MAN1A2: variants seen among roughly 807,000 people sequenced by gnomAD.
MAN1A2 encodes mannosidase alpha class 1A member 2.
A neutral mutation model predicts 75.7 loss-of-function variants in MAN1A2; 26 were observed. The ratio of observed to expected loss-of-function variants is 0.34; its 90% CI spans 0.25 to 0.48. MAN1A2 has a LOEUF of 0.48. MAN1A2 is among the 20% of genes least tolerant of loss of function. The pLI, the probability that MAN1A2 is intolerant of heterozygous loss-of-function variation, is 0.99. For missense variants in MAN1A2, 562 were observed against 775.5 expected (o/e 0.72, Z 3.27); for synonymous variants, 247 against 264.6 (o/e 0.93, Z 0.65).
chr1:117,471,018 G>T (rs1055866112), intron 8 of MAN1A2, among the ~76,000 whole-genome samples: 3 of 149,182 alleles, frequency 2.0e-5, no homozygotes, highest in African/African-American at 7.4e-5. Context: ...CAAATTACTA[G>T]TTTTTTTTTC....
intron 3 of MAN1A2, among the ~76,000 whole-genome samples, chr1:117,411,221 G>C (rs1570721242): frequency 6.6e-6 from 1 of 151,770 alleles, no homozygotes; most frequent in East Asian, 1.9e-4. Flanking sequence ...ATTCAGGACA[G>C]TATGGTTTTA....
chr1:117,425,143 A>G (rs1648321738), intron 5 of MAN1A2, among the ~76,000 whole-genome samples: 1 of 135,812 alleles, frequency 7.4e-6, no homozygotes, highest in South Asian at 2.8e-4. Context: ...AGGGGAAAGG[A>G]AGGAAGAAAA....
rs528038272 is a variant in MAN1A2 at position 117,450,857 on chromosome 1, G to C, written c.950+8532G>C. ...ATGTATGGAAATACCTGCCTGTCCAGGTAGAAGTTTGCTGCAGGGACACGA... is the reference window on the plus strand; with the variant it reads ...ATGTATGGAAATACCTGCCTGTCCACGTAGAAGTTTGCTGCAGGGACACGA... On this transcript the variant is annotated intron_variant, in intron 6 of 12. Coordinates refer to ENST00000356554, the MANE Select transcript of MAN1A2 (RefSeq NM_006699.5). 2.6e-5 allele frequency among the ~76,000 whole-genome samples: 4 copies of C among 152,312 alleles called. No individual in the cohort carries two copies. The East Asian group carries it at 7.7e-4, about 29-fold the overall frequency.
chr1:117,459,530 C>T (rs1649745416), intron 6 of MAN1A2, among the ~76,000 whole-genome samples: 1 of 152,126 alleles, frequency 6.6e-6, no homozygotes, highest in Non-Finnish European at 1.5e-5. Context: ...TTTAACAAAA[C>T]CTAAAACACA....
chr1:117,458,527 T>G (rs12063924), intron 6 of MAN1A2, among the ~76,000 whole-genome samples: 1 of 115,338 alleles, frequency 8.7e-6, no homozygotes, highest in Non-Finnish European at 1.8e-5. Flanking sequence ...ATATATATTT[T>G]TTTTTTTTTT....
chr1:117,382,665 G>A (rs1653384858), intron 1 of MAN1A2, among the ~76,000 whole-genome samples: 2 of 152,092 alleles, frequency 1.3e-5, no homozygotes. Flanking sequence ...GGCGATGCGG[G>A]CTCTTTTTTG....
intron 8 of MAN1A2, among the ~76,000 whole-genome samples, chr1:117,480,625 CA>C (rs1206145049): frequency 1.3e-5 from 2 of 151,860 alleles, no homozygotes; most frequent in East Asian, 3.9e-4. Flanking sequence ...CATGCTGCCT[CA>C]TTTTTTTACT....
chr1:117,429,656 C>T (rs1281263403), intron 5 of MAN1A2, among the ~76,000 whole-genome samples: 5 of 96,368 alleles, frequency 5.2e-5, no homozygotes, highest in South Asian at 3.5e-4. Context: ...TAGGGGCGGC[C>T]GGGCAGAGGC....
chr1:117,404,705 CA>C (rs1557936616), intron 2 of MAN1A2, among the ~76,000 whole-genome samples: 1 of 152,114 alleles, frequency 6.6e-6, no homozygotes, highest in African/African-American at 2.4e-5. Flanking sequence ...TTGTTTAGGG[CA>C]GGGGTTGACA....
At chr1:117,491,567 G>A (rs1650884479) in intron 8 of MAN1A2, among the ~76,000 whole-genome samples, 1 of 152,048 alleles carries the variant, frequency 6.6e-6, no homozygotes, top group African/African-American at 2.4e-5. Flanking sequence ...TTTCATGCCT[G>A]CTAACAACAT....
intron 4 of MAN1A2, among the ~76,000 whole-genome samples, chr1:117,416,544 T>C (rs556481896): frequency 6.6e-6 from 1 of 152,216 alleles, no homozygotes; most frequent in African/African-American, 2.4e-5. Context: ...ATATCATTAT[T>C]ATCAGTCAGG....
At chr1:117,431,670 T>C (rs1648666527) in intron 5 of MAN1A2, among the ~76,000 whole-genome samples, 1 of 152,178 alleles carries the variant, frequency 6.6e-6, no homozygotes, top group South Asian at 2.1e-4. Flanking sequence ...AGAGTATGGC[T>C]AGGTGCAATG....
At chr1:117,500,696 G>C (rs139037384) in intron 11 of MAN1A2, among the ~76,000 whole-genome samples, 1 of 151,876 alleles carries the variant, frequency 6.6e-6, no homozygotes, top group Non-Finnish European at 1.5e-5. Context: ...AACAGATGCA[G>C]CATTTATTGA....
chr1:117,376,416 G>A (rs767875737), intron 1 of MAN1A2, among the ~76,000 whole-genome samples: 2 of 152,226 alleles, frequency 1.3e-5, no homozygotes, highest in Non-Finnish European at 2.9e-5. Flanking sequence ...TTGGCTTGGA[G>A]CCACTATGGT....
At chr1:117,375,871 T>C (rs1653119302) in intron 1 of MAN1A2, among the ~76,000 whole-genome samples, 1 of 152,158 alleles carries the variant, frequency 6.6e-6, no homozygotes, top group Admixed American at 6.5e-5. Context: ...CTCTCCCCAT[T>C]TTTGTTTTCT....
At chr1:117,513,208 A>G (rs2101891025) in intron 12 of MAN1A2, among the ~76,000 whole-genome samples, 1 of 152,272 alleles carries the variant, frequency 6.6e-6, no homozygotes, top group African/African-American at 2.4e-5. Flanking sequence ...GGGAGGAGGT[A>G]AAGGATAATC....
chr1:117,410,623 GA>G (rs544835333), intron 3 of MAN1A2, among the ~76,000 whole-genome samples: 16,743 of 121,114 alleles, frequency 0.14, 1,004 homozygotes, highest in Non-Finnish European at 0.17. Flanking sequence ...AAAAGAAAAA[GA>G]AAAAAAAAAA....
intron 8 of MAN1A2, among the ~76,000 whole-genome samples, chr1:117,482,073 GTA>G (rs139778334): frequency 6.6e-6 from 1 of 151,272 alleles, no homozygotes; most frequent in Admixed American, 6.6e-5. Flanking sequence ...GCTTAGAATG[GTA>G]TATATATATA....
intron 6 of MAN1A2, among the ~76,000 whole-genome samples, chr1:117,458,992 G>C (rs532321160): frequency 6.6e-6 from 1 of 152,108 alleles, no homozygotes. Context: ...AAGCAGTCAT[G>C]AAAGCTAGAC....
Sources: allele counts gnomAD v4.1 joint callset (sites outside exome capture counted in the v4.1 genomes callset), GRCh38; gene constraint gnomAD v4.1.1; transcripts MANE v1.5; gene names NCBI Gene and HGNC (gene_info 2026-07-23, HGNC 2026-07-21).